The following ENOX1 variants were observed in gnomAD, a reference collection of about 807,000 sequenced individuals.
The protein encoded by ENOX1 is candidate growth-related and time keeping constitutive hydroquinone (NADH) oxidase.
Under a neutral mutation model 82.5 loss-of-function variants are expected in ENOX1, and 42 were observed. That is an observed-to-expected ratio of 0.51 (90% confidence interval 0.40 to 0.66). The LOEUF is 0.66. ENOX1 is among the 30% of genes least tolerant of loss of function. ENOX1 has a pLI of 0.00. For missense variants in ENOX1, 608 were observed against 811.6 expected, an observed-to-expected ratio of 0.75 and a Z score of 3.05; for synonymous variants, 271 against 282.2, an observed-to-expected ratio of 0.96 and a Z score of 0.40.
Position 43,469,713 on chromosome 13 carries a change from A to G in ENOX1, c.-75+14296T>C, listed in dbSNP as rs545648431. On this transcript the variant is annotated intron_variant, in intron 3 of 16. Transcript: ENST00000690772. ...TCCCAAACTGATCCCTAGAATAAATATATTCCCAATCATAATCCCATTTGG... is the reference window on the plus strand; with the variant it reads ...TCCCAAACTGATCCCTAGAATAAATGTATTCCCAATCATAATCCCATTTGG... Among the ~76,000 whole-genome samples the G allele has an allele frequency of 1.8e-3, 278 of 152,148 alleles. 2 individuals are homozygous for G. Among genetic ancestry groups the G allele is most frequent in the African/African-American group, 5.4e-3 (223 of 41,566 alleles).
At chr13:43,568,485 T>C (rs552362853) in intron 2 of ENOX1, among the ~76,000 whole-genome samples, 39 of 152,174 alleles carry the variant, frequency 2.6e-4, no homozygotes, top group Non-Finnish European at 4.6e-4. Context: ...AACCAACTAG[T>C]GTGGAGGTGA....
chr13:43,240,788 C>T (rs2042786365), intron 14 of ENOX1, among the ~76,000 whole-genome samples: 2 of 152,212 alleles, frequency 1.3e-5, no homozygotes, highest in Admixed American at 1.3e-4. Context: ...AACTTAGAAG[C>T]AAGGCTCTGA....
intron 5 of ENOX1, among the ~76,000 whole-genome samples, chr13:43,410,500 T>A (rs767834665): frequency 1.3e-5 from 2 of 151,990 alleles, no homozygotes; most frequent in Non-Finnish European, 2.9e-5. Context: ...AACTCAGCCT[T>A]TGTATTTCCT....
intron 1 of ENOX1, among the ~76,000 whole-genome samples, chr13:43,675,916 T>C (rs1404881472): frequency 6.6e-6 from 1 of 152,214 alleles, no homozygotes; most frequent in Non-Finnish European, 1.5e-5. Context: ...TAATAACCCA[T>C]AAAATGTGGC....
chr13:43,640,594 C>A (rs2083593173), intron 2 of ENOX1, among the ~76,000 whole-genome samples: 1 of 152,054 alleles, frequency 6.6e-6, no homozygotes, highest in South Asian at 2.1e-4. Flanking sequence ...TAATATGCAC[C>A]AATCAACTCA....
intron 11 of ENOX1, among the ~76,000 whole-genome samples, chr13:43,301,879 C>A (rs538965213): frequency 4.9e-4 from 74 of 151,982 alleles, no homozygotes; most frequent in African/African-American, 1.8e-3. Context: ...TGGGCCAGAG[C>A]GCTAACAGAA....
chr13:43,346,272 A>T (rs1402650832), intron 8 of ENOX1, among the ~76,000 whole-genome samples: 1 of 151,984 alleles, frequency 6.6e-6, no homozygotes, highest in Non-Finnish European at 1.5e-5. Flanking sequence ...CTACGGCTGA[A>T]CTCTGGAAAC....
In ENOX1 at chr13:43,338,473, G is replaced by A. The variant is rs933999507; in HGVS notation, c.1036+6065C>T. Reference sequence around the variant, plus strand: ...ATGACAAAGATGATTTACCTGTTCCGAATTTTTTTTTCTCTTTCTTCTATA... The same window carrying A: ...ATGACAAAGATGATTTACCTGTTCCAAATTTTTTTTTCTCTTTCTTCTATA... On this transcript the variant is annotated intron_variant, in intron 9 of 16. Coordinates refer to ENST00000690772, the MANE Select transcript of ENOX1 (RefSeq NM_001347969.2). Among the ~76,000 whole-genome samples the A allele has an allele frequency of 4.6e-5, 7 of 152,018 alleles. No homozygotes were observed. In the South Asian group the frequency reaches 6.2e-4, roughly 14 times the overall value.
intron 2 of ENOX1, among the ~76,000 whole-genome samples, chr13:43,582,457 A>G (rs1327104553): frequency 2.0e-5 from 3 of 152,226 alleles, no homozygotes; most frequent in African/African-American, 7.2e-5. Context: ...AAATAAATTG[A>G]GAAGCTGGTA....
At chr13:43,571,482 C>T (rs1451378757) in intron 2 of ENOX1, among the ~76,000 whole-genome samples, 1 of 151,154 alleles carries the variant, frequency 6.6e-6, no homozygotes, top group African/African-American at 2.4e-5. Flanking sequence ...AGTTTGAGAC[C>T]AGCCTGCCAA....
chr13:43,361,040 G>A (rs1031672197), intron 6 of ENOX1, among the ~76,000 whole-genome samples: 7 of 152,262 alleles, frequency 4.6e-5, no homozygotes, highest in East Asian at 3.9e-4. Flanking sequence ...CTTAACGCTG[G>A]ATACACATCC....
chr13:43,258,734 AG>A (rs998727784), intron 14 of ENOX1, among the ~76,000 whole-genome samples: 1 of 152,156 alleles, frequency 6.6e-6, no homozygotes, highest in Admixed American at 6.5e-5. Context: ...GAGGCCGTAA[AG>A]TTCTCTGTAC....
intron 1 of ENOX1, among the ~76,000 whole-genome samples, chr13:43,690,094 C>T (rs149954681): frequency 1.3e-3 from 195 of 152,272 alleles, no homozygotes; most frequent in African/African-American, 4.0e-3. Flanking sequence ...GATCTGAAAT[C>T]TTGCTGGCAT....
intron 1 of ENOX1, among the ~76,000 whole-genome samples, chr13:43,764,447 A>G (rs1402907005): frequency 6.6e-6 from 1 of 152,212 alleles, no homozygotes; most frequent in Non-Finnish European, 1.5e-5. Flanking sequence ...GAAACACTTT[A>G]TTTCAAATCA....
At chr13:43,322,731 T>C (rs1460582846) in intron 10 of ENOX1, among the ~76,000 whole-genome samples, 1 of 152,162 alleles carries the variant, frequency 6.6e-6, no homozygotes, top group East Asian at 1.9e-4. Context: ...CTTTAGCAAA[T>C]AATTTAATCT....
At chr13:43,299,061 T>G (rs1191645022) in intron 11 of ENOX1, among the ~76,000 whole-genome samples, 1 of 152,158 alleles carries the variant, frequency 6.6e-6, no homozygotes, top group Admixed American at 6.5e-5. Flanking sequence ...TTGCACAGAT[T>G]GTTTTCCTCC....
intron 11 of ENOX1, among the ~76,000 whole-genome samples, chr13:43,303,585 A>C (rs1026988758): frequency 6.6e-6 from 1 of 152,134 alleles, no homozygotes; most frequent in Non-Finnish European, 1.5e-5. Context: ...TGCTGCTGGA[A>C]TAGGCTTGGG....
intron 3 of ENOX1, among the ~76,000 whole-genome samples, chr13:43,460,284 A>G (rs551438037): frequency 1.2e-4 from 19 of 152,178 alleles, no homozygotes; most frequent in Admixed American, 1.1e-3. Flanking sequence ...TTTTCTCTTG[A>G]TATGTCTCTT....
intron 2 of ENOX1, among the ~76,000 whole-genome samples, chr13:43,634,176 T>C (rs753915340): frequency 8.5e-5 from 13 of 152,180 alleles, no homozygotes; most frequent in Non-Finnish European, 1.3e-4. Flanking sequence ...TTCCATCCTA[T>C]AGTGCAAGTT....
Sources: allele counts gnomAD v4.1 joint callset (sites outside exome capture counted in the v4.1 genomes callset), GRCh38; gene constraint gnomAD v4.1.1; transcripts MANE v1.5; gene names NCBI Gene and HGNC (gene_info 2026-07-23, HGNC 2026-07-21).